The following MIPOL1 variants were observed in gnomAD, a reference collection of about 807,000 sequenced individuals.
The protein encoded by MIPOL1 is mirror-image polydactyly 1.
Under a neutral mutation model 60.9 loss-of-function variants are expected in MIPOL1, and 57 were observed. The ratio of observed to expected loss-of-function variants is 0.94; its 90% CI spans 0.76 to 1.17. The LOEUF (loss-of-function observed/expected upper bound fraction) is 1.17. Among genes scored for constraint, MIPOL1 ranks in the 50% most tolerant of loss-of-function variants. The pLI is 0.00. For missense variants in MIPOL1, 551 were observed against 511.6 expected (o/e 1.08, Z -0.74); for synonymous variants, 179 against 168.8 (o/e 1.06, Z -0.47).
intron 12 of MIPOL1, among the ~76,000 whole-genome samples, chr14:37,517,207 G>A (rs1306227374): frequency 3.9e-5 from 6 of 152,150 alleles, no homozygotes; most frequent in South Asian, 2.1e-4. Context: ...AATGAAATGC[G>A]TGTGCCTAAA....
intron 3 of MIPOL1, among the ~76,000 whole-genome samples, chr14:37,262,710 C>T (rs563779621): frequency 2.4e-4 from 37 of 152,204 alleles, no homozygotes; most frequent in African/African-American, 8.7e-4. Flanking sequence ...AATGTATTTG[C>T]CCCTAATACT....
At chr14:37,205,265 G>A (rs1965902988) in intron 1 of MIPOL1, among the ~76,000 whole-genome samples, 1 of 151,968 alleles carries the variant, frequency 6.6e-6, no homozygotes, top group Non-Finnish European at 1.5e-5. Context: ...ACCACGCCCA[G>A]CTAATTTTTT....
intron 12 of MIPOL1, chr14:37,505,970 C>CAAAG: frequency 6.6e-6 from 1 of 151,542 alleles, no homozygotes; most frequent in African/African-American, 2.4e-5. Flanking sequence ...AACAGACAAA[C>CAAAG]AGCCAAATCA....
rs552952042 is a variant in MIPOL1 at position 37,475,026 on chromosome 14, G to A, written c.1032-24882G>A. 3.0e-3 allele frequency among the ~76,000 whole-genome samples: 449 copies of A among 151,824 alleles called. 2 individuals carry two copies. Among genetic ancestry groups the A allele is most frequent in the African/African-American group, 0.01 (421 of 41,386 alleles). ...GTCACCCAGGCTGGAATGCAGTGGC[G>A]TGATCTCGGCTCACTGCAGTCTCCA... On this transcript the variant is annotated intron_variant, in intron 11 of 12. Coordinates refer to ENST00000684589, the MANE Select transcript of MIPOL1 (RefSeq NM_001388067.1).
chr14:37,262,405 C>T (rs1347971086), intron 3 of MIPOL1, among the ~76,000 whole-genome samples: 2 of 151,762 alleles, frequency 1.3e-5, no homozygotes, highest in Non-Finnish European at 2.9e-5. Context: ...ATTTGCACTC[C>T]AATAGGAAAA....
At chr14:37,265,958 C>G (rs1401940453) in intron 3 of MIPOL1, among the ~76,000 whole-genome samples, 1 of 152,066 alleles carries the variant, frequency 6.6e-6, no homozygotes, top group Non-Finnish European at 1.5e-5. Context: ...CCATGTCACA[C>G]AGTATGGGTT....
intron 11 of MIPOL1, among the ~76,000 whole-genome samples, chr14:37,479,609 A>G (rs1292615771): frequency 6.6e-6 from 1 of 152,134 alleles, no homozygotes; most frequent in African/African-American, 2.4e-5. Context: ...CAAATAAGTA[A>G]CAAGATTTCT....
chr14:37,308,225 A>G (rs1381780350), intron 8 of MIPOL1, 124 bp from the exon 9 acceptor site: 1 of 1,187,444 alleles, frequency 8.4e-7, no homozygotes, highest in Non-Finnish European at 1.2e-6. Flanking sequence ...CTTTGCTGCA[A>G]TATGAAAATT....
At chr14:37,352,297 G>T (rs2091464573) in intron 9 of MIPOL1, among the ~76,000 whole-genome samples, 1 of 17,380 alleles carries the variant, frequency 5.8e-5, no homozygotes, top group Non-Finnish European at 1.2e-4. Context: ...ATGCTGTTTT[G>T]GTTACTGTAG....
chr14:37,299,537 G>A (rs1030293702), intron 7 of MIPOL1, among the ~76,000 whole-genome samples: 4 of 151,996 alleles, frequency 2.6e-5, no homozygotes, highest in Non-Finnish European at 4.4e-5. Flanking sequence ...TCTATATGAT[G>A]GGATAAGTAG....
At chr14:37,288,471 T>C (rs1192168275) in intron 7 of MIPOL1, among the ~76,000 whole-genome samples, 1 of 152,116 alleles carries the variant, frequency 6.6e-6, no homozygotes, top group Admixed American at 6.6e-5. Flanking sequence ...ATTATTAGGT[T>C]AATTTATAGC....
At chr14:37,307,831 C>T (rs1025769419) in intron 7 of MIPOL1, among the ~76,000 whole-genome samples, 2 of 151,966 alleles carry the variant, frequency 1.3e-5, no homozygotes, top group African/African-American at 2.4e-5. Context: ...TCATATATAG[C>T]AGTAAACATT....
intron 11 of MIPOL1, among the ~76,000 whole-genome samples, chr14:37,470,031 G>A (rs1016755974): frequency 2.6e-5 from 4 of 152,232 alleles, no homozygotes; most frequent in Non-Finnish European, 5.9e-5. Context: ...TGAGGTGAGA[G>A]ATAAATATTA....
intron 11 of MIPOL1, among the ~76,000 whole-genome samples, chr14:37,431,569 CT>C (rs869258490): frequency 4.6e-5 from 3 of 64,852 alleles, no homozygotes; most frequent in Admixed American, 6.0e-4. Context: ...ATCTCTGTTT[CT>C]TTTTTTTTTT....
chr14:37,412,829 AT>A (rs1168700615), intron 10 of MIPOL1, among the ~76,000 whole-genome samples: 2 of 152,146 alleles, frequency 1.3e-5, no homozygotes, highest in African/African-American at 4.8e-5. Flanking sequence ...ATAAAATAAA[AT>A]TTAAAAAATA....
chr14:37,323,713 G>A (rs1276433089), intron 9 of MIPOL1, among the ~76,000 whole-genome samples: 1 of 151,888 alleles, frequency 6.6e-6, no homozygotes, highest in Non-Finnish European at 1.5e-5. Flanking sequence ...CCTTTTAAAG[G>A]TATACACATT....
At chr14:37,348,177 T>G (rs2091082221) in intron 9 of MIPOL1, among the ~76,000 whole-genome samples, 1 of 152,236 alleles carries the variant, frequency 6.6e-6, no homozygotes, top group East Asian at 1.9e-4. Flanking sequence ...TTTGGTTTTC[T>G]GTTTTTGCAT....
chr14:37,348,579 C>T (rs1396835396), intron 9 of MIPOL1, among the ~76,000 whole-genome samples: 1 of 151,740 alleles, frequency 6.6e-6, no homozygotes, highest in African/African-American at 2.4e-5. Context: ...CTAATGTGAT[C>T]AGAATACCAA....
At chr14:37,243,447 G>A (rs373422205) in intron 1 of MIPOL1, among the ~76,000 whole-genome samples, 140 of 152,260 alleles carry the variant, frequency 9.2e-4, no homozygotes, top group Admixed American at 1.6e-3. Flanking sequence ...CTGAAATAGC[G>A]TGCTTTCCTT....
Sources: allele counts gnomAD v4.1 joint callset (sites outside exome capture counted in the v4.1 genomes callset), GRCh38; gene constraint gnomAD v4.1.1; transcripts MANE v1.5; gene names NCBI Gene and HGNC (gene_info 2026-07-23, HGNC 2026-07-21).